Variants in CDH12 observed in about 807,000 individuals in gnomAD.
CDH12 encodes the protein cadherin 12, also known as cadherin-12.
Under a neutral mutation model 74.1 loss-of-function variants are expected in CDH12, and 41 were observed. That is an observed-to-expected ratio of 0.55 (90% CI 0.43 to 0.72). The LOEUF is 0.72. Among genes scored for constraint, CDH12 ranks in the 30% least tolerant of loss-of-function variants. The pLI is 0.00. For synonymous variants in CDH12, 399 were observed against 355.0 expected, an observed-to-expected ratio of 1.12 and a Z score of -1.39; for missense variants, 945 against 977.2, an observed-to-expected ratio of 0.97 and a Z score of 0.44.
intron 4 of CDH12, among the ~76,000 whole-genome samples, chr5:22,160,501 C>T (rs1168157223): frequency 6.6e-6 from 1 of 152,044 alleles, no homozygotes; most frequent in Non-Finnish European, 1.5e-5. Flanking sequence ...TTGGCCTTAC[C>T]TCACAGAAAC....
At chr5:21,955,786 G>T (rs1756068353) in intron 6 of CDH12, among the ~76,000 whole-genome samples, 1 of 152,066 alleles carries the variant, frequency 6.6e-6, no homozygotes, top group African/African-American at 2.4e-5. Flanking sequence ...ACTTGGGTTT[G>T]TGTGATGGCG....
chr5:22,607,232 G>A (rs1029268841), intron 1 of CDH12, among the ~76,000 whole-genome samples: 7 of 152,190 alleles, frequency 4.6e-5, no homozygotes, highest in African/African-American at 2.4e-5. Context: ...GTAATGAGGA[G>A]CTGAATGTTA....
At chr5:22,823,294 T>C (rs1414620366) in intron 1 of CDH12, among the ~76,000 whole-genome samples, 1 of 151,654 alleles carries the variant, frequency 6.6e-6, no homozygotes, top group Non-Finnish European at 1.5e-5. Flanking sequence ...AATGACGAGT[T>C]AATGGGTGCA....
At chr5:22,820,010 C>CAT (rs1341369892) in intron 1 of CDH12, among the ~76,000 whole-genome samples, 34 of 140,518 alleles carry the variant, frequency 2.4e-4, no homozygotes, top group African/African-American at 7.1e-4. Context: ...TATACATATA[C>CAT]ATATATATAC....
intron 4 of CDH12, among the ~76,000 whole-genome samples, chr5:22,179,128 A>C (rs1015461699): frequency 2.0e-5 from 3 of 152,182 alleles, no homozygotes; most frequent in Non-Finnish European, 4.4e-5. Flanking sequence ...CAGTTAATAA[A>C]TAGCAGTGAG....
At chr5:22,405,195 G>T in intron 3 of CDH12, 62 bp downstream of exon 3, 1 of 406,256 alleles carries the variant, frequency 2.5e-6, no homozygotes, top group Non-Finnish European at 3.3e-6. Flanking sequence ...GGGTGAAAGA[G>T]TGAAACTGTC....
chr5:22,527,524 T>C (rs1379542399), intron 1 of CDH12, among the ~76,000 whole-genome samples: 2 of 152,186 alleles, frequency 1.3e-5, no homozygotes, highest in African/African-American at 4.8e-5. Flanking sequence ...GCTTTGAGTG[T>C]GCTGCCCATT....
chr5:21,919,950 A>C (rs978742631), intron 6 of CDH12, among the ~76,000 whole-genome samples: 4 of 152,190 alleles, frequency 2.6e-5, no homozygotes, highest in Non-Finnish European at 5.9e-5. Context: ...TGATAATATT[A>C]AGAAAAATAT....
intron 1 of CDH12, chr5:22,639,041 A>C (rs1249767942): frequency 2.6e-5 from 3 of 116,740 alleles, no homozygotes; most frequent in Non-Finnish European, 5.0e-5. Flanking sequence ...TCAGAGTGAG[A>C]GTCCGCCTCA....
chr5:22,292,839 G>A (rs1432293990), intron 3 of CDH12, among the ~76,000 whole-genome samples: 1 of 152,158 alleles, frequency 6.6e-6, no homozygotes, highest in Non-Finnish European at 1.5e-5. Context: ...ACAGTATGAA[G>A]TTTCCTCAAT....
At chr5:22,723,193 A>G (rs1337087302) in intron 1 of CDH12, among the ~76,000 whole-genome samples, 1 of 152,180 alleles carries the variant, frequency 6.6e-6, no homozygotes, top group Non-Finnish European at 1.5e-5. Context: ...AGAAAATTTC[A>G]CAAATTCACA....
At chr5:22,155,579 A>G (rs1158406021) in intron 4 of CDH12, among the ~76,000 whole-genome samples, 1 of 152,148 alleles carries the variant, frequency 6.6e-6, no homozygotes, top group South Asian at 2.1e-4. Flanking sequence ...TTTTTTCTGG[A>G]ATGATTTATT....
At chr5:22,050,521 T>C (rs1203223899) in intron 5 of CDH12, among the ~76,000 whole-genome samples, 2 of 152,148 alleles carry the variant, frequency 1.3e-5, no homozygotes, top group African/African-American at 4.8e-5. Context: ...AATTTTCTAA[T>C]AGGAATATCT....
At chr5:22,256,281 C>G (rs1418136243) in intron 3 of CDH12, among the ~76,000 whole-genome samples, 1 of 152,052 alleles carries the variant, frequency 6.6e-6, no homozygotes, top group Middle Eastern at 3.2e-3. Context: ...ACAGCATGTA[C>G]AATGGTGGTC....
intron 1 of CDH12, among the ~76,000 whole-genome samples, chr5:22,540,024 A>G (rs1246916598): frequency 1.3e-5 from 2 of 152,212 alleles, no homozygotes; most frequent in African/African-American, 2.4e-5. Context: ...TTGAATGTCA[A>G]TGAGATGTTC....
intron 3 of CDH12, among the ~76,000 whole-genome samples, chr5:22,232,403 A>G (rs919802522): frequency 1.3e-5 from 2 of 151,910 alleles, no homozygotes; most frequent in African/African-American, 4.8e-5. Flanking sequence ...TAAAATAAAA[A>G]TTTTCAGAAC....
chr5:22,055,965 G>T (rs1385228942), intron 5 of CDH12, among the ~76,000 whole-genome samples: 1 of 152,000 alleles, frequency 6.6e-6, no homozygotes, highest in African/African-American at 2.4e-5. Flanking sequence ...TTTTCAATTT[G>T]AATTTAAACA....
At chr5:22,788,946 C>A (rs756100659) in intron 1 of CDH12, among the ~76,000 whole-genome samples, 9 of 151,636 alleles carry the variant, frequency 5.9e-5, no homozygotes, top group Non-Finnish European at 1.2e-4. Flanking sequence ...CATGCATATA[C>A]CATATTTAAA....
chr5:22,698,323 G>A (rs1022371829), intron 1 of CDH12, among the ~76,000 whole-genome samples: 1 of 151,236 alleles, frequency 6.6e-6, no homozygotes, highest in African/African-American at 2.4e-5. Flanking sequence ...GGTTCACCAT[G>A]TTGGTCAGGC....
Sources: gnomAD v4.1 joint callset for allele counts (sites outside exome capture counted in the v4.1 genomes callset) on GRCh38, gnomAD v4.1.1 for gene constraint, MANE v1.5 for transcripts, NCBI Gene and HGNC (gene_info 2026-07-23, HGNC 2026-07-21) for gene names.